Variants in MRPS10 observed in about 807,000 individuals in gnomAD.
The protein encoded by MRPS10 is small ribosomal subunit protein uS10m.
MRPS10 carries 23 observed loss-of-function variants against 27.5 expected under a neutral mutation model. The observed-to-expected ratio is 0.84, with a 90% CI of 0.60 to 1.18. The LOEUF is 1.18. Ranked by LOEUF, MRPS10 falls within the 50% of genes most tolerant of loss-of-function variation. The pLI is 0.00. For synonymous variants in MRPS10, 88 were observed against 84.2 expected (o/e 1.04, Z -0.25); for missense variants, 237 against 240.1 (o/e 0.99, Z 0.09).
chr6:42,211,779 A>G lies in MRPS10; in HGVS notation c.323+2T>C. On this transcript the variant is annotated splice_donor_variant, in intron 4 of 6. Coordinates refer to ENST00000053468, the MANE Select transcript of MRPS10 (RefSeq NM_018141.4). LOFTEE classifies it high-confidence loss of function. ...GGTCGGGTCAGGAAAGGCCATACTCACACTTTAATAGAGATACCAAGTTCT... is the reference window on the plus strand; with the variant it reads ...GGTCGGGTCAGGAAAGGCCATACTCGCACTTTAATAGAGATACCAAGTTCT... 1.2e-6 allele frequency: 2 copies of G among 1,611,918 alleles called. No individual in the cohort carries two copies. The highest frequency in any genetic ancestry group is 1.7e-6 in the Non-Finnish European group (2 of 1,179,308).
Position 42,214,077 on chromosome 6 carries a change from T to C in MRPS10, c.186+43A>G, listed in dbSNP as rs145438057. ...CCAATGAAATAATAAGGAAAACCTA[T>C]TGCCAAGGTAGCTCCTTATACCAAG... On this transcript the variant is annotated intron_variant, in intron 3 of 6. Coordinates refer to ENST00000053468, the MANE Select transcript of MRPS10 (RefSeq NM_018141.4). 1.2e-3 allele frequency: 1,726 copies of C among 1,486,904 alleles called. 15 individuals are homozygous for C. In the African/African-American group the frequency reaches 0.02, roughly 17 times the overall value. The allele number at this position is 1,486,904 out of a possible 1,614,324, so 92.1% of individuals were successfully genotyped here.
intron 4 of MRPS10, among the ~76,000 whole-genome samples, chr6:42,210,847 A>T (rs1021306029): frequency 2.6e-5 from 4 of 152,218 alleles, no homozygotes; most frequent in Non-Finnish European, 4.4e-5. Flanking sequence ...GTGCAAGCAT[A>T]CACACACACC....
chr6:42,217,191 G>C (rs1489693293), intron 1 of MRPS10, among the ~76,000 whole-genome samples: 2 of 152,110 alleles, frequency 1.3e-5, no homozygotes, highest in Non-Finnish European at 2.9e-5. Context: ...ATATTCTTAA[G>C]TTTTATTTTC....
At chr6:42,216,327 G>T (rs1275254353) in intron 1 of MRPS10, among the ~76,000 whole-genome samples, 3 of 137,746 alleles carry the variant, frequency 2.2e-5, no homozygotes, top group Non-Finnish European at 4.7e-5. Flanking sequence ...CGGCCAAGAA[G>T]TTTTTAAATT....
chr6:42,217,855 CG>C lies in MRPS10; in HGVS notation c.-7del. On this transcript the variant is annotated 5_prime_UTR_variant, in exon 1 of 7. Transcript: ENST00000053468. ...AACGCTGTCCGCGCCGCCATCTTGCCGGTCCCGACCTCTCAGGATTGCTTCC... is the reference window on the plus strand; with the variant it reads ...AACGCTGTCCGCGCCGCCATCTTGCCGTCCCGACCTCTCAGGATTGCTTCC... 1 of 1,613,854 alleles carries C rather than the reference CG, an allele frequency of 6.2e-7. No individual in the cohort carries two copies. Among genetic ancestry groups the C allele is most frequent in the Non-Finnish European group, 8.5e-7 (1 of 1,179,906 alleles).
chr6:42,211,095 A>T (rs1233890046), intron 4 of MRPS10, among the ~76,000 whole-genome samples: 2 of 152,276 alleles, frequency 1.3e-5, no homozygotes, highest in African/African-American at 4.8e-5. Context: ...CAGAAGGAGC[A>T]GATGACAAGA....
At chr6:42,212,164 AAGG>A (rs1339200752) in intron 3 of MRPS10, among the ~76,000 whole-genome samples, 1 of 152,232 alleles carries the variant, frequency 6.6e-6, no homozygotes, top group African/African-American at 2.4e-5. Context: ...AAAATTACTA[AAGG>A]AACTTTCCAA....
In MRPS10 at chr6:42,210,560, A is replaced by T; in HGVS notation, c.360T>A (p.Leu120=). 4 of 1,528,474 alleles carry T rather than the reference A, an allele frequency of 2.6e-6. No individual in the cohort carries two copies. The highest frequency in any genetic ancestry group is 3.6e-6 in the Non-Finnish European group (4 of 1,122,422). 94.7% of individuals were successfully genotyped at this position (1,528,474 alleles called of 1,614,324 possible). ...TCTTGTAAATATGCACTGATTGGAG[A>T]AGAGTAAATCGCTCTATTTTCCTTG... ...EPPRKIERFT[L]LQSVHIYKKH... The change falls in exon 5 of 7, where the codon CTT becomes CTA. Residue 120 remains leucine (L), a synonymous_variant. Transcript: ENST00000053468.
Position 42,211,792 on chromosome 6 carries a change from G to C in MRPS10, c.312C>G (p.Ile104Met). ...AAGGCCATACTCACACTTTAATAGA[G>C]ATACCAAGTTCTTTAGCAGCAAGCA... ...FAVLAAKELG[I>M]SIKVHEPPRK... Residue 104 changes from isoleucine (I) to methionine (M), a missense_variant, in exon 4 of 7, where the codon ATC becomes ATG. By Grantham distance (10) the Ile-to-Met change is conservative. Transcript: ENST00000053468. 1.2e-6 allele frequency: 2 copies of C among 1,613,160 alleles called. No individual in the cohort carries two copies. Among genetic ancestry groups the C allele is most frequent in the Non-Finnish European group, 1.7e-6 (2 of 1,179,752 alleles).
rs567118484 is a variant in MRPS10 at position 42,208,459 on chromosome 6, C to T, written c.523-87G>A. 4.2e-5 allele frequency: 42 copies of T among 1,003,946 alleles called. 1 individual carries two copies. In the South Asian group the frequency reaches 6.0e-4, roughly 14 times the overall value. 62.2% of individuals were successfully genotyped at this position (1,003,946 alleles called of 1,614,324 possible). ...GGACTTATTAATTTGGTCAAATCCT[C>T]TTTACTTCTTTTTCTTTTATCCCCC... On this transcript the variant is annotated intron_variant, in intron 6 of 6. Coordinates refer to ENST00000053468, the MANE Select transcript of MRPS10 (RefSeq NM_018141.4).
rs1225590522 is a variant in MRPS10, at chr6:42,216,385, A to AGTGTGTGT, written c.48+1409_48+1416dup. ...GAGAGAGAGAGAGAGAGAGAGAGAG[A>AGTGTGTGT]GTGTGTGTGTGTGTGTGTGTGTGTG... On this transcript the variant is annotated intron_variant, in intron 1 of 6. Coordinates refer to ENST00000053468, the MANE Select transcript of MRPS10 (RefSeq NM_018141.4). Among the ~76,000 whole-genome samples the AGTGTGTGT allele has an allele frequency of 1.7e-3, 101 of 58,690 alleles. 5 individuals carry two copies. The highest frequency in any genetic ancestry group is 2.3e-3 in the East Asian group (2 of 866). The allele number at this position is 58,690 out of a possible 152,430, so 38.5% of individuals were successfully genotyped here.
At chr6:42,215,765 C>T (rs190938533) in intron 1 of MRPS10, among the ~76,000 whole-genome samples, 420 of 152,258 alleles carry the variant, frequency 2.8e-3, no homozygotes, top group African/African-American at 9.7e-3. Flanking sequence ...TCCTTCCTCT[C>T]CTTACCCAAG....
At chr6:42,211,760 G>A (rs749976671) in intron 4 of MRPS10, 21 bp downstream of exon 4, 4 of 1,608,494 alleles carry the variant, frequency 2.5e-6, no homozygotes, top group Non-Finnish European at 3.4e-6. Flanking sequence ...AACAGGTCGG[G>A]TCAGGAAAGG....
chr6:42,214,685 C>T (rs564616959), intron 1 of MRPS10, among the ~76,000 whole-genome samples: 8 of 152,210 alleles, frequency 5.3e-5, no homozygotes, highest in African/African-American at 1.4e-4. Context: ...ATTAATTGTA[C>T]TTCAGTATAA....
intron 3 of MRPS10, 119 bp from the exon 4 acceptor site, chr6:42,212,036 C>T: frequency 1.1e-6 from 1 of 871,968 alleles, no homozygotes; most frequent in Admixed American, 2.6e-5. Flanking sequence ...GAGAAAAACA[C>T]TGAGTGACGG....
At chr6:42,211,744 G>T in intron 4 of MRPS10, 37 bp downstream of exon 4, 2 of 1,579,392 alleles carry the variant, frequency 1.3e-6, no homozygotes, top group Non-Finnish European at 8.6e-7. Context: ...TCATATTACA[G>T]CAGCGAACAG....
At chr6:42,208,989 T>C (rs1163521722) in intron 5 of MRPS10, 42 bp from the exon 6 acceptor site, 1 of 1,349,420 alleles carries the variant, frequency 7.4e-7, no homozygotes, top group Non-Finnish European at 1.0e-6. Flanking sequence ...AAGCTGTTTG[T>C]TAAAGCACGG....
chr6:42,209,747 CAAAAAAAAAAAAA>C (rs60179760), intron 5 of MRPS10, among the ~76,000 whole-genome samples: 2 of 58,614 alleles, frequency 3.4e-5, no homozygotes, highest in South Asian at 2.3e-3. Flanking sequence ...GACTCTATCT[CAAAAAAAAAAAAA>C]AAAAAAAAAA....
rs577242670 is a variant in MRPS10 at position 42,212,624 on chromosome 6, G to T, written c.187-707C>A. On this transcript the variant is annotated intron_variant, in intron 3 of 6. Coordinates refer to ENST00000053468, the MANE Select transcript of MRPS10 (RefSeq NM_018141.4). ...TAGAAATAATGGGTTTGACATTTTT[G>T]ACTTTCTTCCAAAAGGTGAATTACC... Among the ~76,000 whole-genome samples the T allele has an allele frequency of 9.1e-4, 139 of 152,198 alleles. 1 individual carries two copies. The highest frequency in any genetic ancestry group is 3.1e-3 in the African/African-American group (130 of 41,512).
Sources: allele counts gnomAD v4.1 joint callset (sites outside exome capture counted in the v4.1 genomes callset), GRCh38; gene constraint gnomAD v4.1.1; transcripts MANE v1.5; gene names NCBI Gene and HGNC (gene_info 2026-07-23, HGNC 2026-07-21).